Variants in TTC9 observed in about 807,000 individuals in gnomAD.
The protein encoded by TTC9 is tetratricopeptide repeat protein 9A.
In TTC9, 13 loss-of-function variants were observed where a neutral mutation model predicts 22.9. That is an observed-to-expected ratio of 0.57 (90% CI 0.37 to 0.90). The LOEUF is 0.90. Among genes scored for constraint, TTC9 ranks in the 40% least tolerant of loss-of-function variants. TTC9 has a pLI of 0.01. For missense variants in TTC9, 280 were observed against 291.8 expected, an observed-to-expected ratio of 0.96 and a Z score of 0.29; for synonymous variants, 148 against 133.2, an observed-to-expected ratio of 1.11 and a Z score of -0.77.
At chr14:70,664,165 C>A (rs1478948590) in intron 1 of TTC9, among the ~76,000 whole-genome samples, 1 of 152,006 alleles carries the variant, frequency 6.6e-6, no homozygotes, top group African/African-American at 2.4e-5. Context: ...TGCCACTTAT[C>A]CTGAGGTCCA....
intron 1 of TTC9, among the ~76,000 whole-genome samples, chr14:70,666,827 G>A (rs1338863849): frequency 6.6e-6 from 1 of 152,190 alleles, no homozygotes; most frequent in Non-Finnish European, 1.5e-5. Context: ...TACAAGGTAA[G>A]CACTCAACAA....
At chr14:70,660,196 A>T (rs4902837) in intron 1 of TTC9, among the ~76,000 whole-genome samples, 8 of 152,168 alleles carry the variant, frequency 5.3e-5, no homozygotes, top group African/African-American at 1.9e-4. Context: ...ATTTCAAATC[A>T]CTAACAAGAG....
At chr14:70,655,420 C>G (rs1355283116) in intron 1 of TTC9, among the ~76,000 whole-genome samples, 4 of 146,052 alleles carry the variant, frequency 2.7e-5, no homozygotes, top group Non-Finnish European at 6.1e-5. Context: ...AAAAAAAAAA[C>G]AAAGAAGAAG....
rs1329770182 is a variant in TTC9, at chr14:70,675,264, A to AT, written c.*4114dup. ...AATTTGTAATTTTATTAAGAATATT[A>AT]TTTTTGTCAAGAAATGCTGCAAATA... On this transcript the variant is annotated 3_prime_UTR_variant, in exon 3 of 3. Transcript: ENST00000256367. 1 of 152,146 alleles carries AT rather than the reference A, an allele frequency of 6.6e-6. No homozygotes were observed. The highest frequency in any genetic ancestry group is 1.5e-5 in the Non-Finnish European group (1 of 68,026). 9.4% of individuals were successfully genotyped at this position (152,146 alleles called of 1,614,324 possible).
intron 1 of TTC9, among the ~76,000 whole-genome samples, chr14:70,647,245 A>T (rs1031588267): frequency 2.6e-5 from 4 of 152,226 alleles, no homozygotes. Flanking sequence ...TCTTACTAGA[A>T]CAGTGGAAAT....
chr14:70,655,001 A>C (rs1341155282), intron 1 of TTC9, among the ~76,000 whole-genome samples: 1 of 152,260 alleles, frequency 6.6e-6, no homozygotes, highest in Admixed American at 6.5e-5. Flanking sequence ...TCAGTTTACT[A>C]TGGTTCCTTA....
Position 70,641,983 on chromosome 14 carries a change from C to T in TTC9, c.-147C>T. 5.1e-6 allele frequency: 2 copies of T among 390,170 alleles called. No individual in the cohort carries two copies. Among genetic ancestry groups the T allele is most frequent in the Non-Finnish European group, 7.1e-6 (2 of 283,280 alleles). 24.2% of individuals were successfully genotyped at this position (390,170 alleles called of 1,614,324 possible). ...CAGCGGGGAGAATGGGAGTGCGGGG[C>T]GCCAGACCGCCGCGGGGTGTCACGG... On this transcript the variant is annotated 5_prime_UTR_variant, in exon 1 of 3. Transcript: ENST00000256367.
In TTC9 at chr14:70,675,151, G is replaced by A. The variant is rs537007327; in HGVS notation, c.*3996G>A. The A allele has an allele frequency of 2.6e-5, 4 of 152,072 alleles. No individual in the cohort carries two copies. Among genetic ancestry groups the A allele is most frequent in the East Asian group, 1.9e-4 (1 of 5,182 alleles). The allele number at this position is 152,072 out of a possible 1,614,324, so 9.4% of individuals were successfully genotyped here. A position where few individuals can be genotyped will look rare whatever the true frequency, so the allele number is the denominator to read the frequency against. ...TTATTTTAACTTTCTTTGATTCTTC[G>A]CGAATAACATTTTCATATGCTTATT... is the stretch of plus-strand genomic sequence containing the variant. On this transcript the variant is annotated 3_prime_UTR_variant, in exon 3 of 3. Transcript: ENST00000256367.
chr14:70,651,506 CA>C lies in TTC9; in HGVS notation c.406+8981del, dbSNP rs367766834. Among the ~76,000 whole-genome samples the C allele has an allele frequency of 6.1e-5, 9 of 148,516 alleles. No individual in the cohort carries two copies. The East Asian group carries it at 9.8e-4, about 16-fold the overall frequency. ...ATACTTGTCAAGCAACATTATCCCA[CA>C]AAAAAAAAAGTTTGAATGCCTCACA... On this transcript the variant is annotated intron_variant, in intron 1 of 2. Coordinates refer to ENST00000256367, the MANE Select transcript of TTC9 (RefSeq NM_015351.2).
chr14:70,646,525 C>T (rs532980009), intron 1 of TTC9, among the ~76,000 whole-genome samples: 1 of 152,282 alleles, frequency 6.6e-6, no homozygotes, highest in South Asian at 2.1e-4. Flanking sequence ...CACACAATAA[C>T]TTTGTTGGTA....
intron 1 of TTC9, among the ~76,000 whole-genome samples, chr14:70,646,792 A>G (rs1176041004): frequency 6.6e-6 from 1 of 152,214 alleles, no homozygotes; most frequent in African/African-American, 2.4e-5. Context: ...GGGATGTGGC[A>G]AGGCCTAGAA....
chr14:70,668,310 A>G (rs4899365), intron 2 of TTC9, among the ~76,000 whole-genome samples: 32,061 of 152,116 alleles, frequency 0.21, 3,611 homozygotes, highest in Middle Eastern at 0.27. Context: ...AGGGGGTACA[A>G]TATTGCTAGG....
chr14:70,665,977 G>A (rs976786214), intron 1 of TTC9, among the ~76,000 whole-genome samples: 2 of 152,106 alleles, frequency 1.3e-5, no homozygotes, highest in African/African-American at 4.8e-5. Flanking sequence ...CTAAGTCTCT[G>A]TTTTTATTTG....
chr14:70,655,559 A>G (rs1435277590), intron 1 of TTC9, among the ~76,000 whole-genome samples: 1 of 152,160 alleles, frequency 6.6e-6, no homozygotes, highest in Non-Finnish European at 1.5e-5. Flanking sequence ...AACCCCCTTC[A>G]GGTCTACCTT....
chr14:70,642,623 T>G, intron 1 of TTC9, 88 bp downstream of exon 1: 1 of 1,286,266 alleles, frequency 7.8e-7, no homozygotes, highest in Non-Finnish European at 1.0e-6. Flanking sequence ...GCGGTGCAGA[T>G]TCTCCTGCTG....
In TTC9 at chr14:70,671,057, T is replaced by TTTA. The variant is rs775872374; in HGVS notation, c.590-16_590-14dup. The TTTA allele has an allele frequency of 6.2e-7, 1 of 1,611,884 alleles. No individual in the cohort carries two copies. Among genetic ancestry groups the TTTA allele is most frequent in the Non-Finnish European group, 8.5e-7 (1 of 1,178,316 alleles). On this transcript the variant is annotated intron_variant, in intron 2 of 2. Coordinates refer to ENST00000256367, the MANE Select transcript of TTC9 (RefSeq NM_015351.2). ...TGCCCTCACCTGGTGTTCCCTAAGG[T>TTTA]TTATTTCTCTCCTCACAGACACCAA... is the stretch of plus-strand genomic sequence containing the variant.
chr14:70,642,096 C>A lies in TTC9; in HGVS notation c.-34C>A, dbSNP rs1444364152. On this transcript the variant is annotated 5_prime_UTR_variant, in exon 1 of 3. Transcript: ENST00000256367. ...GCGGCGGCGGCGGCGGCGGGCAGAT[C>A]GCGGCGCGCACCAGGCGCCGGGGCG... The A allele has an allele frequency of 3.8e-6, 4 of 1,065,542 alleles. No individual in the cohort carries two copies. The highest frequency in any genetic ancestry group is 7.2e-5 in the East Asian group (1 of 13,810). The allele number at this position is 1,065,542 out of a possible 1,614,324, so 66.0% of individuals were successfully genotyped here. A position where few individuals can be genotyped will look rare whatever the true frequency, so the allele number is the denominator to read the frequency against.
At chr14:70,645,511 A>C (rs1463100923) in intron 1 of TTC9, among the ~76,000 whole-genome samples, 1 of 152,216 alleles carries the variant, frequency 6.6e-6, no homozygotes, top group East Asian at 1.9e-4. Context: ...ATTTTCATGA[A>C]GATTATTTTA....
chr14:70,668,247 A>C (rs898796197), intron 2 of TTC9, among the ~76,000 whole-genome samples: 1 of 152,224 alleles, frequency 6.6e-6, no homozygotes, highest in Non-Finnish European at 1.5e-5. Context: ...TATAGCATTC[A>C]CTTAGATCAT....
Sources: gnomAD v4.1 joint callset for allele counts (sites outside exome capture counted in the v4.1 genomes callset) on GRCh38, gnomAD v4.1.1 for gene constraint, MANE v1.5 for transcripts, NCBI Gene and HGNC (gene_info 2026-07-23, HGNC 2026-07-21) for gene names.